The following KLHL3 variants were observed in gnomAD, a reference collection of about 807,000 sequenced individuals.
KLHL3 encodes kelch like family member 3.
In KLHL3, 19 loss-of-function variants were observed where a neutral mutation model predicts 70.5. That is an observed-to-expected ratio of 0.27 (90% CI 0.19 to 0.40). KLHL3 has a LOEUF of 0.40. KLHL3 is among the 10% of genes least tolerant of loss of function. The pLI, the probability that KLHL3 is intolerant of heterozygous loss-of-function variation, is 1.00. For synonymous variants in KLHL3, 258 were observed against 290.3 expected, an observed-to-expected ratio of 0.89 and a Z score of 1.13; for missense variants, 512 against 771.1, an observed-to-expected ratio of 0.66 and a Z score of 3.98.
In KLHL3 at chr5:137,731,186, C is replaced by A. The variant is rs879697475; in HGVS notation, c.14+4447G>T. Among the ~76,000 whole-genome samples the A allele has an allele frequency of 2.6e-5, 4 of 152,182 alleles. No homozygotes were observed. In the South Asian group the frequency reaches 8.3e-4, roughly 31 times the overall value. On this transcript the variant is annotated intron_variant, in intron 1 of 14. Transcript: ENST00000309755. The stretch of plus-strand genomic sequence containing the variant: ...AATCCAAATCTGGGTGCAGGGATAT[C>A]AAGAGGTTTCTTTCCCTGACTTTGT...
rs910836186 is a variant in KLHL3, at chr5:137,690,200, G to A, written c.526+2085C>T. ...AAATTAGCCTGGCGTGGTGGCAGGC[G>A]CCTGTAGTCCCAGCTACTCGGGAGG... is the stretch of plus-strand genomic sequence containing the variant. On this transcript the variant is annotated intron_variant, in intron 5 of 14. Coordinates refer to ENST00000309755, the MANE Select transcript of KLHL3 (RefSeq NM_017415.3). Among the ~76,000 whole-genome samples, 5 of 152,092 alleles carry A rather than the reference G, an allele frequency of 3.3e-5. No homozygotes were observed. The South Asian group carries it at 6.2e-4, about 19-fold the overall frequency.
intron 6 of KLHL3, among the ~76,000 whole-genome samples, chr5:137,666,778 A>G (rs1338802159): frequency 6.6e-6 from 1 of 152,106 alleles, no homozygotes; most frequent in Admixed American, 6.5e-5. Context: ...AAAAATAAAC[A>G]AGCAAATAAA....
chr5:137,720,440 G>T (rs1278965261), intron 2 of KLHL3, 25 bp downstream of exon 2: 2 of 1,613,688 alleles, frequency 1.2e-6, no homozygotes, highest in Non-Finnish European at 1.7e-6. Context: ...CTTCTGCAAG[G>T]GCACGGACAA....
chr5:137,688,852 A>C (rs1435597127), intron 5 of KLHL3, among the ~76,000 whole-genome samples: 1 of 152,250 alleles, frequency 6.6e-6, no homozygotes, highest in Non-Finnish European at 1.5e-5. Context: ...ACACTAGCTA[A>C]GAATAATTCA....
intron 5 of KLHL3, among the ~76,000 whole-genome samples, chr5:137,682,879 A>ATTCTTCTCT (rs918495155): frequency 3.0e-4 from 46 of 152,284 alleles, no homozygotes; most frequent in African/African-American, 9.9e-4. Flanking sequence ...CCCCAGGACT[A>ATTCTTCTCT]TTCTTCTCTC....
chr5:137,631,608 A>G (rs899056886), intron 12 of KLHL3, among the ~76,000 whole-genome samples: 2 of 152,202 alleles, frequency 1.3e-5, no homozygotes, highest in Non-Finnish European at 2.9e-5. Context: ...CAGCATTACT[A>G]ATTATATGAC....
chr5:137,685,629 G>T (rs969323767), intron 5 of KLHL3, among the ~76,000 whole-genome samples: 1 of 152,150 alleles, frequency 6.6e-6, no homozygotes, highest in Non-Finnish European at 1.5e-5. Context: ...TCAAACAATG[G>T]TCTAGAAATG....
rs768057381 is a variant in KLHL3, at chr5:137,628,322, G to T, written c.1566C>A (p.Asp522Glu). The T allele has an allele frequency of 5.0e-6, 8 of 1,614,206 alleles. No homozygotes were observed. Among genetic ancestry groups the T allele is most frequent in the Non-Finnish European group, 6.8e-6 (8 of 1,180,030 alleles). The change falls in exon 13 of 15, where the codon GAC becomes GAA. Residue 522 changes from aspartate (D) to glutamate (E), a missense_variant. Coordinates refer to ENST00000309755, the MANE Select transcript of KLHL3 (RefSeq NM_017415.3). ...PGTNTWKQVA[D>E]MNMCRRNAGV... ...CTGCGTTGCGCCGGCACATGTTCAT[G>T]TCTGCCACTTGCTTCCAGGTATTTG...
rs368078623 is a variant in KLHL3, at chr5:137,704,247, C to T, written c.241+5503G>A. Among the ~76,000 whole-genome samples the T allele has an allele frequency of 2.4e-3, 363 of 151,978 alleles. 2 individuals carry two copies. Among genetic ancestry groups the T allele is most frequent in the African/African-American group, 3.8e-3 (158 of 41,458 alleles). On this transcript the variant is annotated intron_variant, in intron 3 of 14. Transcript: ENST00000309755. Reference sequence around the variant, plus strand: ...AAAAATACAAAAAATTAGCCGGGCGCGGTGGCGGGCGCCTGTAGTCCCAGC... The same window carrying T: ...AAAAATACAAAAAATTAGCCGGGCGTGGTGGCGGGCGCCTGTAGTCCCAGC...
chr5:137,697,061 C>T (rs144183124), intron 4 of KLHL3, among the ~76,000 whole-genome samples: 223 of 152,272 alleles, frequency 1.5e-3, no homozygotes, highest in African/African-American at 5.2e-3. Context: ...ATCCTCAATA[C>T]CTCCTGTCTT....
intron 5 of KLHL3, among the ~76,000 whole-genome samples, chr5:137,685,203 C>A (rs1279898902): frequency 6.6e-6 from 1 of 152,048 alleles, no homozygotes; most frequent in Non-Finnish European, 1.5e-5. Flanking sequence ...AAGATTGTAC[C>A]CTACAGGTAT....
intron 1 of KLHL3, among the ~76,000 whole-genome samples, chr5:137,723,320 T>C (rs1580787798): frequency 6.6e-6 from 1 of 152,348 alleles, no homozygotes; most frequent in South Asian, 2.1e-4. Flanking sequence ...ATTGAATTTA[T>C]AGATCAATTT....
intron 3 of KLHL3, chr5:137,706,371 G>A: frequency 3.0e-6 from 3 of 985,286 alleles, no homozygotes; most frequent in Non-Finnish European, 2.4e-6. Context: ...AATGTTACTG[G>A]AGATTTTTAG....
chr5:137,624,151 C>T (rs1207593403), intron 14 of KLHL3, among the ~76,000 whole-genome samples: 1 of 152,134 alleles, frequency 6.6e-6, no homozygotes, highest in Admixed American at 6.5e-5. Flanking sequence ...AAGTAAGGCC[C>T]CAATAAATTT....
At chr5:137,680,454 G>A (rs1751994597) in intron 5 of KLHL3, among the ~76,000 whole-genome samples, 1 of 151,844 alleles carries the variant, frequency 6.6e-6, no homozygotes, top group Admixed American at 6.6e-5. Context: ...CATTTTGACA[G>A]CTTTAAGAAA....
chr5:137,722,363 T>C (rs1451949897), intron 1 of KLHL3, among the ~76,000 whole-genome samples: 1 of 152,170 alleles, frequency 6.6e-6, no homozygotes, highest in African/African-American at 2.4e-5. Context: ...AACTGAACTT[T>C]GGGGCTGTTT....
Position 137,619,149 on chromosome 5 carries a change from A to C in KLHL3, c.*2949T>G, listed in dbSNP as rs1460173118. On this transcript the variant is annotated 3_prime_UTR_variant, in exon 15 of 15. Transcript: ENST00000309755. ...TTATAAAAAGGCAATCTTTGAAAGGATCTGGCTCAGAAATATACAAACATT... is the reference window on the plus strand; with the variant it reads ...TTATAAAAAGGCAATCTTTGAAAGGCTCTGGCTCAGAAATATACAAACATT... 6.5e-6 allele frequency: 1 copy of C among 152,688 alleles called. No homozygotes were observed. 9.5% of individuals were successfully genotyped at this position (152,688 alleles called of 1,614,324 possible). A position where few individuals can be genotyped will look rare whatever the true frequency, so the allele number is the denominator to read the frequency against.
At chr5:137,688,875 C>T (rs898620512) in intron 5 of KLHL3, among the ~76,000 whole-genome samples, 1 of 152,224 alleles carries the variant, frequency 6.6e-6, no homozygotes, top group African/African-American at 2.4e-5. Context: ...AGGATGTCTG[C>T]ATACACAGAC....
At chr5:137,634,826 C>T (rs936433757) in intron 11 of KLHL3, among the ~76,000 whole-genome samples, 1 of 152,144 alleles carries the variant, frequency 6.6e-6, no homozygotes, top group African/African-American at 2.4e-5. Flanking sequence ...TAAGCTGCTA[C>T]CCAAGAGCAT....
Sources: allele counts gnomAD v4.1 joint callset (sites outside exome capture counted in the v4.1 genomes callset), GRCh38; gene constraint gnomAD v4.1.1; transcripts MANE v1.5; gene names NCBI Gene and HGNC (gene_info 2026-07-23, HGNC 2026-07-21).